RAB3C: variants seen among roughly 807,000 people sequenced by gnomAD.
The protein encoded by RAB3C is RAB3C, member RAS oncogene family, also known as ras-related protein Rab-3C.
A neutral mutation model predicts 26.4 loss-of-function variants in RAB3C; 17 were observed. That is an observed-to-expected ratio of 0.64 (90% confidence interval 0.44 to 0.97). RAB3C has a LOEUF of 0.97. Among genes scored for constraint, RAB3C ranks in the 50% least tolerant of loss-of-function variants. The pLI is 0.00. For synonymous variants in RAB3C, 91 were observed against 95.9 expected (o/e 0.95, Z 0.30); for missense variants, 242 against 281.9 (o/e 0.86, Z 1.01).
chr5:58,833,905 G>C (rs1743675910), intron 4 of RAB3C, among the ~76,000 whole-genome samples: 1 of 152,098 alleles, frequency 6.6e-6, no homozygotes, highest in African/African-American at 2.4e-5. Context: ...AGGCTCTTTA[G>C]GAAGAAAAAG....
At position 58,617,883 on chromosome 5, in the gene RAB3C, G is replaced by C. The variant is rs777457184; in HGVS notation, c.252+13G>C. 1 of 1,535,020 alleles carries C rather than the reference G, an allele frequency of 6.5e-7. No homozygotes were observed. Among genetic ancestry groups the C allele is most frequent in the South Asian group, 1.1e-5 (1 of 88,110 alleles). ...GCTTCAGATTTGGGTAAGTGGCTTT[G>C]AACTGGCAGTGTTCTTCAGGCTGGG... On this transcript the variant is annotated intron_variant, in intron 2 of 4. Transcript: ENST00000282878.
intron 3 of RAB3C, among the ~76,000 whole-genome samples, chr5:58,810,372 T>TCTCTCG (rs1554020139): frequency 1.5e-5 from 2 of 131,894 alleles, no homozygotes; most frequent in Non-Finnish European, 3.5e-5. Context: ...GTGCTCTCTC[T>TCTCTCG]CTCTCTCTCT....
chr5:58,681,071 T>G (rs1362806371), intron 2 of RAB3C, among the ~76,000 whole-genome samples: 1 of 152,216 alleles, frequency 6.6e-6, no homozygotes, highest in Non-Finnish European at 1.5e-5. Flanking sequence ...GAACTGATTA[T>G]GTTCATGAAG....
intron 3 of RAB3C, among the ~76,000 whole-genome samples, chr5:58,810,364 GCTCT>G (rs143427018): frequency 4.8e-5 from 5 of 103,452 alleles, no homozygotes; most frequent in Admixed American, 1.0e-4. Context: ...TACTCTGTGT[GCTCT>G]CTCTCTCTCT....
intron 2 of RAB3C, 81 bp downstream of exon 2, chr5:58,617,951 G>A: frequency 1.2e-6 from 1 of 854,618 alleles, no homozygotes; most frequent in East Asian, 2.7e-5. Flanking sequence ...TTTCTGCCTT[G>A]TTCTATCCCC....
At chr5:58,633,030 T>C in intron 2 of RAB3C, among the ~76,000 whole-genome samples, 1 of 152,238 alleles carries the variant, frequency 6.6e-6, no homozygotes, top group Non-Finnish European at 1.5e-5. Context: ...GATGTTTGTC[T>C]CCTTAAGCTT....
chr5:58,836,390 C>T (rs996878310), intron 4 of RAB3C, among the ~76,000 whole-genome samples: 1 of 152,004 alleles, frequency 6.6e-6, no homozygotes, highest in African/African-American at 2.4e-5. Context: ...TGGGAACGTT[C>T]AGTATTCTCC....
intron 3 of RAB3C, among the ~76,000 whole-genome samples, chr5:58,746,860 A>G (rs1029635838): frequency 1.3e-5 from 2 of 152,190 alleles, no homozygotes; most frequent in East Asian, 3.8e-4. Flanking sequence ...TTGATATTTT[A>G]TTGATTCATA....
intron 1 of RAB3C, among the ~76,000 whole-genome samples, chr5:58,613,879 G>A (rs1233814511): frequency 6.6e-6 from 1 of 151,978 alleles, no homozygotes; most frequent in Non-Finnish European, 1.5e-5. Context: ...CCAAGCAGGA[G>A]GAGAGAAAGC....
intron 1 of RAB3C, among the ~76,000 whole-genome samples, chr5:58,600,236 A>G (rs1259114108): frequency 1.3e-5 from 2 of 152,128 alleles, no homozygotes; most frequent in Non-Finnish European, 2.9e-5. Context: ...TGTTTTGGTG[A>G]CTATGGCCTT....
intron 1 of RAB3C, among the ~76,000 whole-genome samples, chr5:58,587,372 AT>A (rs1746034461): frequency 6.6e-6 from 1 of 152,096 alleles, no homozygotes; most frequent in African/African-American, 2.4e-5. Flanking sequence ...CCTCAAAAAA[AT>A]GTTCTTTTAT....
chr5:58,592,853 T>C (rs949502868), intron 1 of RAB3C, among the ~76,000 whole-genome samples: 1 of 152,150 alleles, frequency 6.6e-6, no homozygotes, highest in African/African-American at 2.4e-5. Flanking sequence ...AACTTTGAGT[T>C]TAAACAATTT....
chr5:58,611,122 G>A (rs984884450), intron 1 of RAB3C, among the ~76,000 whole-genome samples: 6 of 152,102 alleles, frequency 3.9e-5, no homozygotes, highest in African/African-American at 7.2e-5. Flanking sequence ...TCTTTATCCA[G>A]TCTACCATTG....
At chr5:58,737,523 C>T (rs1404579297) in intron 3 of RAB3C, among the ~76,000 whole-genome samples, 1 of 148,538 alleles carries the variant, frequency 6.7e-6, no homozygotes, top group Non-Finnish European at 1.5e-5. Context: ...GAATCTCTGT[C>T]CCTTCTATGC....
At chr5:58,691,773 G>C (rs1748575336) in intron 2 of RAB3C, among the ~76,000 whole-genome samples, 2 of 152,126 alleles carry the variant, frequency 1.3e-5, no homozygotes, top group South Asian at 2.1e-4. Flanking sequence ...TTTTGGACTA[G>C]AGTTTATCTA....
At chr5:58,619,414 A>G (rs1398119725) in intron 2 of RAB3C, among the ~76,000 whole-genome samples, 1 of 152,198 alleles carries the variant, frequency 6.6e-6, no homozygotes, top group African/African-American at 2.4e-5. Context: ...TTTGAATTGC[A>G]GGCAATCCAA....
intron 1 of RAB3C, among the ~76,000 whole-genome samples, chr5:58,600,140 A>G (rs1219051822): frequency 6.6e-6 from 1 of 152,152 alleles, no homozygotes; most frequent in African/African-American, 2.4e-5. Flanking sequence ...GTCGAAAATC[A>G]GTTGGCTGTA....
At chr5:58,604,077 T>C (rs1746510995) in intron 1 of RAB3C, among the ~76,000 whole-genome samples, 2 of 152,230 alleles carry the variant, frequency 1.3e-5, no homozygotes, top group African/African-American at 4.8e-5. Context: ...TTGTTGTCTG[T>C]CTTCTGGGTC....
At chr5:58,745,299 G>A (rs982797240) in intron 3 of RAB3C, among the ~76,000 whole-genome samples, 1 of 149,090 alleles carries the variant, frequency 6.7e-6, no homozygotes, top group African/African-American at 2.5e-5. Flanking sequence ...TTGGGAGGCT[G>A]AGGCAGGAGA....
Sources: allele counts gnomAD v4.1 joint callset (sites outside exome capture counted in the v4.1 genomes callset), GRCh38; gene constraint gnomAD v4.1.1; transcripts MANE v1.5; gene names NCBI Gene and HGNC (gene_info 2026-07-23, HGNC 2026-07-21).